BNC2: variants seen among roughly 807,000 people sequenced by gnomAD.
BNC2 encodes basonuclin zinc finger protein 2.
Under a neutral mutation model 76.3 loss-of-function variants are expected in BNC2, and 20 were observed. That is an observed-to-expected ratio of 0.26 (90% CI 0.18 to 0.38). The LOEUF (loss-of-function observed/expected upper bound fraction) is 0.38, where lower values mean the gene tolerates loss of function less well. BNC2 is among the 10% of genes least tolerant of loss of function. BNC2 has a pLI of 1.00. For synonymous variants in BNC2, 582 were observed against 514.8 expected (o/e 1.13, Z -1.77); for missense variants, 1,382 against 1,399.8 (o/e 0.99, Z 0.20).
At chr9:16,647,880 G>A (rs1420852086) in intron 3 of BNC2, among the ~76,000 whole-genome samples, 1 of 152,036 alleles carries the variant, frequency 6.6e-6, no homozygotes, top group African/African-American at 2.4e-5. Context: ...CCACTGCCAT[G>A]AACTATATTT....
At chr9:16,757,224 G>A (rs913832610) in intron 1 of BNC2, among the ~76,000 whole-genome samples, 1 of 152,126 alleles carries the variant, frequency 6.6e-6, no homozygotes, top group African/African-American at 2.4e-5. Context: ...CAGCTTAAAA[G>A]CTATTTAAAA....
chr9:16,521,071 T>C (rs1444788962), intron 5 of BNC2, among the ~76,000 whole-genome samples: 1 of 152,086 alleles, frequency 6.6e-6, no homozygotes, highest in Non-Finnish European at 1.5e-5. Flanking sequence ...GGAACATACA[T>C]CAGACAGGAG....
At chr9:16,843,426 G>A (rs1173518890) in intron 1 of BNC2, among the ~76,000 whole-genome samples, 1 of 152,188 alleles carries the variant, frequency 6.6e-6, no homozygotes, top group African/African-American at 2.4e-5. Context: ...CGCCTCCCGG[G>A]CTCAAGCCTC....
chr9:16,472,501 G>A (rs1821846817), intron 5 of BNC2, among the ~76,000 whole-genome samples: 1 of 152,154 alleles, frequency 6.6e-6, no homozygotes, highest in East Asian at 1.9e-4. Flanking sequence ...CACTCTTTTA[G>A]GATAAAAATT....
chr9:16,693,780 T>C (rs1823254150), intron 3 of BNC2, among the ~76,000 whole-genome samples: 1 of 152,148 alleles, frequency 6.6e-6, no homozygotes, highest in African/African-American at 2.4e-5. Flanking sequence ...AAAGCCAAAA[T>C]GAGCAAGCAG....
In BNC2 at chr9:16,435,503, A is replaced by G. The variant is rs1820988547; in HGVS notation, c.2639+52T>C. ...TTTAGTGTGAAGTCCAACATGACTG[A>G]AAACTGGCACCCTCCACCCCCAGCA... On this transcript the variant is annotated intron_variant, in intron 6 of 6. Transcript: ENST00000380672. 7 of 1,602,504 alleles carry G rather than the reference A, an allele frequency of 4.4e-6. 1 individual carries two copies. The South Asian group carries it at 5.5e-5, about 13-fold the overall frequency.
At chr9:16,566,030 G>T (rs1445155336) in intron 4 of BNC2, among the ~76,000 whole-genome samples, 1 of 152,046 alleles carries the variant, frequency 6.6e-6, no homozygotes, top group Non-Finnish European at 1.5e-5. Context: ...TACTTTCAAC[G>T]CTGTTCAAGT....
At chr9:16,795,473 C>A (rs1027932419) in intron 1 of BNC2, among the ~76,000 whole-genome samples, 5 of 151,566 alleles carry the variant, frequency 3.3e-5, no homozygotes, top group African/African-American at 9.7e-5. Flanking sequence ...TTACAGGAAT[C>A]CTGGAAGGGA....
chr9:16,449,136 G>C (rs1274683704), intron 5 of BNC2, among the ~76,000 whole-genome samples: 1 of 152,126 alleles, frequency 6.6e-6, no homozygotes, highest in Non-Finnish European at 1.5e-5. Flanking sequence ...AAAGGAGAAA[G>C]CGTACATTAT....
intron 5 of BNC2, among the ~76,000 whole-genome samples, chr9:16,446,344 G>A (rs1186007380): frequency 1.3e-5 from 2 of 152,082 alleles, no homozygotes; most frequent in Non-Finnish European, 2.9e-5. Context: ...GATTAAAGTG[G>A]AAGTTTGAGG....
At chr9:16,619,932 G>C (rs1042621276) in intron 3 of BNC2, among the ~76,000 whole-genome samples, 1 of 152,132 alleles carries the variant, frequency 6.6e-6, no homozygotes, top group Non-Finnish European at 1.5e-5. Flanking sequence ...TCAACATTTT[G>C]CATGATGCTT....
intron 3 of BNC2, among the ~76,000 whole-genome samples, chr9:16,649,057 G>C (rs571437232): frequency 6.6e-6 from 1 of 152,190 alleles, no homozygotes; most frequent in Non-Finnish European, 1.5e-5. Flanking sequence ...ATGTAAGTGT[G>C]TGAATGCATA....
chr9:16,649,274 G>A (rs1422112341), intron 3 of BNC2, among the ~76,000 whole-genome samples: 3 of 152,152 alleles, frequency 2.0e-5, no homozygotes, highest in Non-Finnish European at 2.9e-5. Flanking sequence ...TGTTTTGAGA[G>A]GCCAGTGGTC....
intron 5 of BNC2, among the ~76,000 whole-genome samples, chr9:16,452,503 A>T (rs971101711): frequency 1.1e-4 from 17 of 152,154 alleles, no homozygotes; most frequent in East Asian, 5.8e-4. Flanking sequence ...GCTCACTGCA[A>T]CCTCCGCCTC....
chr9:16,798,167 A>G, intron 1 of BNC2, among the ~76,000 whole-genome samples: 1 of 152,182 alleles, frequency 6.6e-6, no homozygotes, highest in East Asian at 1.9e-4. Context: ...GGAAGAGAAA[A>G]TGAACTATTT....
chr9:16,419,549 C>G lies in BNC2; in HGVS notation c.2740G>C (p.Asp914His), dbSNP rs1385446031. ...CCATATATCTTCACCAAAAATTCAT[C>G]GCGGAGGTCCTTGCTAAGGGAGGGC... is the stretch of plus-strand genomic sequence containing the variant. Reference protein sequence around the residue: ...SQPSLSKDLRDEFLVKIYGAQ... With the variant: ...SQPSLSKDLRHEFLVKIYGAQ... Residue 914 changes from aspartate to histidine, a missense_variant, in exon 7 of 7, where the codon GAT becomes CAT. By Grantham distance (81) the Asp-to-His change is moderately conservative. Transcript: ENST00000380672. The G allele has an allele frequency of 1.2e-6, 2 of 1,613,986 alleles. No individual in the cohort carries two copies. Among genetic ancestry groups the G allele is most frequent in the Admixed American group, 1.7e-5 (1 of 60,008 alleles).
intron 4 of BNC2, among the ~76,000 whole-genome samples, chr9:16,568,613 C>T (rs1371779995): frequency 3.3e-5 from 5 of 152,090 alleles, no homozygotes; most frequent in African/African-American, 1.2e-4. Context: ...AATCCTTTCC[C>T]ATTGTAAGAC....
intron 3 of BNC2, among the ~76,000 whole-genome samples, chr9:16,718,911 C>T (rs1824066995): frequency 6.6e-6 from 1 of 152,134 alleles, no homozygotes; most frequent in Non-Finnish European, 1.5e-5. Flanking sequence ...CATATAAATG[C>T]ACTACCATAA....
At chr9:16,622,770 C>A (rs2133606336) in intron 3 of BNC2, among the ~76,000 whole-genome samples, 1 of 152,188 alleles carries the variant, frequency 6.6e-6, no homozygotes, top group Non-Finnish European at 1.5e-5. Flanking sequence ...GTTGCTCCCA[C>A]AACTGGCGCT....
Sources: gnomAD v4.1 joint callset for allele counts (sites outside exome capture counted in the v4.1 genomes callset) on GRCh38, gnomAD v4.1.1 for gene constraint, MANE v1.5 for transcripts, NCBI Gene and HGNC (gene_info 2026-07-23, HGNC 2026-07-21) for gene names.